Variants in CDON observed in about 807,000 individuals in gnomAD.
CDON encodes the protein cell adhesion associated, oncogene regulated.
Under a neutral mutation model 120.9 loss-of-function variants are expected in CDON, and 73 were observed. The ratio of observed to expected loss-of-function variants is 0.60; its 90% confidence interval spans 0.50 to 0.73. The LOEUF (loss-of-function observed/expected upper bound fraction) is 0.73. CDON is among the 30% of genes least tolerant of loss of function. The pLI is 0.00. For missense variants in CDON, 1,470 were observed against 1,587.3 expected, an observed-to-expected ratio of 0.93 and a Z score of 1.26; for synonymous variants, 566 against 573.5, an observed-to-expected ratio of 0.99 and a Z score of 0.19.
At position 126,021,409 on chromosome 11, in the gene CDON, T is replaced by C; in HGVS notation, c.188A>G (p.His63Arg). The C allele has an allele frequency of 1.9e-6, 3 of 1,614,164 alleles. No homozygotes were observed. Among genetic ancestry groups the C allele is most frequent in the Non-Finnish European group, 2.5e-6 (3 of 1,180,028 alleles). ...GTTTCCATCCAATGTTTTTCCGTTA[T>C]GCAGCCATGAGATACGAGTGGTCAC... ...QPVTTRISWL[H>R]NGKTLDGNLE... Residue 63 changes from histidine (H) to arginine (R), a missense_variant, in exon 3 of 20, where the codon CAT becomes CGT. By Grantham distance (29) the His-to-Arg change is conservative. Transcript: ENST00000531738.
intron 3 of CDON, among the ~76,000 whole-genome samples, chr11:126,020,052 A>G (rs1947589367): frequency 6.6e-6 from 1 of 151,898 alleles, no homozygotes; most frequent in Non-Finnish European, 1.5e-5. Context: ...CCCTGTCTCA[A>G]GAGAAAAAAA....
intron 18 of CDON, among the ~76,000 whole-genome samples, chr11:125,972,997 C>G (rs1172806267): frequency 1.4e-5 from 2 of 142,594 alleles, no homozygotes; most frequent in Non-Finnish European, 3.0e-5. Context: ...CTCCACTGGC[C>G]TCTTCAACCA....
At chr11:126,018,229 T>A in intron 5 of CDON, 101 bp downstream of exon 5, 3 of 1,277,456 alleles carry the variant, frequency 2.3e-6, no homozygotes, top group Middle Eastern at 2.7e-4. Context: ...AGACTTTTTA[T>A]GATAAACAAA....
Position 125,958,559 on chromosome 11 carries a change from A to ATGTGTGTGTG in CDON, c.*2382_*2383insCACACACACA, listed in dbSNP as rs1243480667. The ATGTGTGTGTG allele has an allele frequency of 1.3e-4, 10 of 76,002 alleles. 1 individual carries two copies. The highest frequency in any genetic ancestry group is 1.2e-3 in the Admixed American group (7 of 6,074). The allele number at this position is 76,002 out of a possible 1,614,324, so 4.7% of individuals were successfully genotyped here. A position where few individuals can be genotyped will look rare whatever the true frequency, so the allele number is the denominator to read the frequency against. On this transcript the variant is annotated 3_prime_UTR_variant, in exon 20 of 20. Coordinates refer to ENST00000531738, the MANE Select transcript of CDON (RefSeq NM_001378964.1). ...AATATAAAGGCAATTATATATATAT[A>ATGTGTGTGTG]TATATATGTGTGTGTGTGTGTGTGT...
intron 8 of CDON, among the ~76,000 whole-genome samples, chr11:126,009,359 A>G (rs1214842266): frequency 6.6e-6 from 1 of 152,166 alleles, no homozygotes; most frequent in Non-Finnish European, 1.5e-5. Flanking sequence ...TGCTCTGGCT[A>G]AGGGTGCCCA....
At chr11:126,037,029 G>A (rs1948118803) in intron 1 of CDON, among the ~76,000 whole-genome samples, 1 of 151,958 alleles carries the variant, frequency 6.6e-6, no homozygotes, top group Non-Finnish European at 1.5e-5. Context: ...TAACTAATTT[G>A]AGTCTGAGGA....
intron 18 of CDON, among the ~76,000 whole-genome samples, chr11:125,975,180 TA>T (rs1946118537): frequency 6.6e-6 from 1 of 152,264 alleles, no homozygotes; most frequent in African/African-American, 2.4e-5. Context: ...AAAAATTGCA[TA>T]CCCTTGTATA....
intron 1 of CDON, among the ~76,000 whole-genome samples, chr11:126,045,974 A>G (rs756992813): frequency 2.6e-4 from 40 of 151,282 alleles, no homozygotes; most frequent in Non-Finnish European, 4.4e-4. Flanking sequence ...CCGTCCTAAA[A>G]AAAAAACAAA....
intron 18 of CDON, among the ~76,000 whole-genome samples, chr11:125,967,166 G>A (rs1945827389): frequency 6.6e-6 from 1 of 152,064 alleles, no homozygotes; most frequent in Non-Finnish European, 1.5e-5. Flanking sequence ...AACATATGAA[G>A]AAAACAACAC....
intron 1 of CDON, among the ~76,000 whole-genome samples, chr11:126,057,256 T>C (rs1948702300): frequency 1.3e-5 from 2 of 152,296 alleles, no homozygotes; most frequent in South Asian, 4.1e-4. Flanking sequence ...CCCCAAAGAC[T>C]GTGTATCCAA....
At position 126,003,977 on chromosome 11, in the gene CDON, A is replaced by G. The variant is rs372079041; in HGVS notation, c.1951T>C (p.Tyr651His). ...CTTCTTGCTACCATCAAGACTTCAT[A>G]AAGACTAGATGGCTCCAGCTCAGCT... is the stretch of plus-strand genomic sequence containing the variant. ...HLAELEPSSL[Y>H]EVLMVARSAA... Residue 651 changes from tyrosine to histidine, a missense_variant, in exon 10 of 20, where the codon TAT becomes CAT. Physicochemically the swap from Tyr to His is moderately conservative, Grantham distance 83. Coordinates refer to ENST00000531738, the MANE Select transcript of CDON (RefSeq NM_001378964.1). The G allele has an allele frequency of 1.1e-5, 17 of 1,613,834 alleles. No homozygotes were observed. The highest frequency in any genetic ancestry group is 1.4e-5 in the Non-Finnish European group (17 of 1,179,934).
chr11:125,970,646 T>C (rs1945954675), intron 18 of CDON, among the ~76,000 whole-genome samples: 1 of 152,234 alleles, frequency 6.6e-6, no homozygotes, highest in Admixed American at 6.5e-5. Flanking sequence ...TGTTGGATGC[T>C]GCGATGACCG....
At chr11:125,976,941 G>T (rs1361448963) in intron 18 of CDON, among the ~76,000 whole-genome samples, 3 of 152,148 alleles carry the variant, frequency 2.0e-5, no homozygotes, top group Non-Finnish European at 4.4e-5. Flanking sequence ...AGATCCTGTC[G>T]TTATACCATT....
At chr11:125,981,977 T>C (rs1053197033) in intron 16 of CDON, among the ~76,000 whole-genome samples, 3 of 96,642 alleles carry the variant, frequency 3.1e-5, no homozygotes, top group African/African-American at 5.7e-5. Context: ...TTTCTTTTTT[T>C]TTTTTTTTTT....
chr11:126,035,005 T>C (rs1948055594), intron 1 of CDON, among the ~76,000 whole-genome samples: 1 of 152,188 alleles, frequency 6.6e-6, no homozygotes, highest in Non-Finnish European at 1.5e-5. Flanking sequence ...AAGTGCCCCA[T>C]ATAGGTGTTA....
chr11:126,025,767 G>C (rs528887044), intron 1 of CDON, among the ~76,000 whole-genome samples: 55 of 145,158 alleles, frequency 3.8e-4, no homozygotes, highest in Non-Finnish European at 4.7e-4. Flanking sequence ...ACTATCCTAG[G>C]AGGTGGGAAT....
At chr11:125,970,538 C>T (rs1945950782) in intron 18 of CDON, among the ~76,000 whole-genome samples, 1 of 152,150 alleles carries the variant, frequency 6.6e-6, no homozygotes, top group East Asian at 1.9e-4. Flanking sequence ...ATTTTGCTGA[C>T]CCAGCTCTTA....
intron 1 of CDON, among the ~76,000 whole-genome samples, chr11:126,025,763 C>T (rs1390049779): frequency 6.6e-6 from 1 of 151,150 alleles, no homozygotes; most frequent in African/African-American, 2.5e-5. Flanking sequence ...TAAGACTATC[C>T]TAGGAGGTGG....
intron 18 of CDON, among the ~76,000 whole-genome samples, chr11:125,964,303 A>G (rs1311621832): frequency 6.6e-6 from 1 of 152,220 alleles, no homozygotes; most frequent in Non-Finnish European, 1.5e-5. Flanking sequence ...TTATTGAGAA[A>G]GCATTTGCTA....
Sources: gnomAD v4.1 joint callset for allele counts (sites outside exome capture counted in the v4.1 genomes callset) on GRCh38, gnomAD v4.1.1 for gene constraint, MANE v1.5 for transcripts, NCBI Gene and HGNC (gene_info 2026-07-23, HGNC 2026-07-21) for gene names.